Variants in GALK2 observed in about 807,000 individuals in gnomAD.
GALK2 encodes N-acetylgalactosamine kinase.
GALK2 carries 36 observed loss-of-function variants against 52.4 expected under a neutral mutation model. That is an observed-to-expected ratio of 0.69 (90% CI 0.53 to 0.91). The LOEUF (loss-of-function observed/expected upper bound fraction) is 0.91, where lower values mean the gene tolerates loss of function less well. Among genes scored for constraint, GALK2 ranks in the 40% least tolerant of loss-of-function variants. GALK2 has a pLI of 0.00. For synonymous variants in GALK2, 176 were observed against 199.1 expected, an observed-to-expected ratio of 0.88 and a Z score of 0.98; for missense variants, 579 against 559.1, an observed-to-expected ratio of 1.04 and a Z score of -0.36.
chr15:49,283,987 A>AT (rs1323920110), intron 7 of GALK2, among the ~76,000 whole-genome samples: 1 of 152,202 alleles, frequency 6.6e-6, no homozygotes, highest in Non-Finnish European at 1.5e-5. Flanking sequence ...GGGTGGAGAA[A>AT]GATAGTTGGG....
At chr15:49,284,832 T>C (rs1421829816) in intron 7 of GALK2, among the ~76,000 whole-genome samples, 1 of 152,168 alleles carries the variant, frequency 6.6e-6, no homozygotes, top group African/African-American at 2.4e-5. Context: ...GCATCTCCTG[T>C]CAAAGCCAGC....
chr15:49,344,842 C>T (rs2041239172), intron 3 of GALK2, among the ~76,000 whole-genome samples: 1 of 152,148 alleles, frequency 6.6e-6, no homozygotes. Flanking sequence ...ACTTTTAATG[C>T]CCGTCTTACT....
chr15:49,178,310 T>C, intron 1 of GALK2: 1 of 131,720 alleles, frequency 7.6e-6, no homozygotes, highest in East Asian at 2.7e-4. Flanking sequence ...CATATATGTA[T>C]GCACATATAT....
chr15:49,181,207 G>A (rs2085944191), intron 1 of GALK2, among the ~76,000 whole-genome samples: 1 of 149,880 alleles, frequency 6.7e-6, no homozygotes, highest in African/African-American at 2.5e-5. Flanking sequence ...ACTTTCTGGT[G>A]ATTCTCCCAC....
upstream of GALK2, chr15:49,170,239 C>T: frequency 6.5e-7 from 1 of 1,539,060 alleles, no homozygotes; most frequent in Non-Finnish European, 8.8e-7. Flanking sequence ...AAGAAAACGG[C>T]TCCTGTCACA....
At chr15:49,273,196 G>A (rs1013222484) in intron 5 of GALK2, among the ~76,000 whole-genome samples, 1 of 152,160 alleles carries the variant, frequency 6.6e-6, no homozygotes, top group African/African-American at 2.4e-5. Flanking sequence ...AAGCATGAGT[G>A]CTTAATGCAA....
At chr15:49,265,509 A>C (rs1347501458) in intron 5 of GALK2, among the ~76,000 whole-genome samples, 2 of 152,098 alleles carry the variant, frequency 1.3e-5, no homozygotes, top group African/African-American at 2.4e-5. Context: ...GAACTCCCTG[A>C]CCCGTTGCGC....
intron 5 of GALK2, among the ~76,000 whole-genome samples, chr15:49,240,419 T>A (rs1281710372): frequency 6.6e-6 from 1 of 152,194 alleles, no homozygotes; most frequent in Non-Finnish European, 1.5e-5. Context: ...GCATTGGAGA[T>A]ATAATAAGTA....
At chr15:49,244,383 A>G (rs1023287473) in intron 5 of GALK2, among the ~76,000 whole-genome samples, 2 of 152,192 alleles carry the variant, frequency 1.3e-5, no homozygotes, top group Admixed American at 6.5e-5. Context: ...CTTGAGTGTT[A>G]TAGAAAAGAC....
chr15:49,355,521 A>G (rs1257141902), intron 3 of GALK2, among the ~76,000 whole-genome samples: 9 of 152,178 alleles, frequency 5.9e-5, no homozygotes, highest in Non-Finnish European at 8.8e-5. Context: ...GAAATGAAGC[A>G]AGAAGGGAAG....
intron 4 of GALK2, among the ~76,000 whole-genome samples, chr15:49,236,615 G>T (rs1018595529): frequency 3.8e-4 from 58 of 152,234 alleles, no homozygotes; most frequent in Non-Finnish European, 1.5e-5. Flanking sequence ...AAAGTATCAA[G>T]GACCAAAAGA....
intron 3 of GALK2, among the ~76,000 whole-genome samples, chr15:49,351,150 T>G (rs1224704243): frequency 1.3e-5 from 2 of 152,200 alleles, no homozygotes; most frequent in Non-Finnish European, 2.9e-5. Flanking sequence ...TGCACTTATT[T>G]GAATTCAGGT....
intron 3 of GALK2, among the ~76,000 whole-genome samples, chr15:49,221,040 C>G (rs971761392): frequency 6.6e-5 from 10 of 152,092 alleles, no homozygotes; most frequent in Non-Finnish European, 8.8e-5. Flanking sequence ...GGTTGTCTCC[C>G]CACTCTGTTG....
At chr15:49,327,224 T>G (rs923821418) in intron 9 of GALK2, 1 of 152,232 alleles carries the variant, frequency 6.6e-6, no homozygotes, top group Non-Finnish European at 1.5e-5. Context: ...CAGATATATC[T>G]CATCTGATGT....
intron 2 of GALK2, among the ~76,000 whole-genome samples, chr15:49,210,956 G>GACACAC (rs2088811277): frequency 1.1e-5 from 1 of 87,466 alleles, no homozygotes; most frequent in Non-Finnish European, 2.4e-5. Context: ...AATGTTGGCT[G>GACACAC]TCACACACAC....
intron 5 of GALK2, among the ~76,000 whole-genome samples, chr15:49,247,984 C>T (rs139911562): frequency 6.6e-6 from 1 of 152,286 alleles, no homozygotes; most frequent in Non-Finnish European, 1.5e-5. Context: ...TACTGGAGAC[C>T]TCTAAGGTTC....
intron 8 of GALK2, among the ~76,000 whole-genome samples, chr15:49,311,804 C>T (rs2036010113): frequency 6.6e-6 from 1 of 152,194 alleles, no homozygotes; most frequent in South Asian, 2.1e-4. Flanking sequence ...AGATGTGTTA[C>T]CCAGGCACAT....
At chr15:49,268,138 T>C (rs545916298) in intron 5 of GALK2, among the ~76,000 whole-genome samples, 1 of 152,162 alleles carries the variant, frequency 6.6e-6, no homozygotes, top group Non-Finnish European at 1.5e-5. Context: ...GTTTAGGTAT[T>C]AGAGATACAA....
At chr15:49,267,069 T>C (rs1055209873) in intron 5 of GALK2, among the ~76,000 whole-genome samples, 1 of 151,972 alleles carries the variant, frequency 6.6e-6, no homozygotes, top group Non-Finnish European at 1.5e-5. Context: ...AAGAAAAAAA[T>C]ATTCAATGAT....
Sources: gnomAD v4.1 joint callset for allele counts (sites outside exome capture counted in the v4.1 genomes callset) on GRCh38, gnomAD v4.1.1 for gene constraint, MANE v1.5 for transcripts, NCBI Gene and HGNC (gene_info 2026-07-23, HGNC 2026-07-21) for gene names.